SYNE2: variants seen among roughly 807,000 people sequenced by gnomAD.
SYNE2 encodes the protein nesprin-2.
In SYNE2, 431 loss-of-function variants were observed where a neutral mutation model predicts 856.3. That is an observed-to-expected ratio of 0.50 (90% CI 0.47 to 0.55). The LOEUF (loss-of-function observed/expected upper bound fraction) is 0.55. SYNE2 is among the 20% of genes least tolerant of loss of function. The pLI is 0.00. For missense variants in SYNE2, 8,129 were observed against 8,023.2 expected, an observed-to-expected ratio of 1.01 and a Z score of -0.50; for synonymous variants, 2,923 against 2,872.3, an observed-to-expected ratio of 1.02 and a Z score of -0.56.
intron 82 of SYNE2, among the ~76,000 whole-genome samples, chr14:64,142,858 A>G (rs1469589977): frequency 6.6e-6 from 1 of 152,234 alleles, no homozygotes; most frequent in Non-Finnish European, 1.5e-5. Flanking sequence ...AGTAGATTTA[A>G]TTAACATTTC....
intron 8 of SYNE2, among the ~76,000 whole-genome samples, chr14:63,958,960 C>A (rs891374641): frequency 6.6e-6 from 1 of 152,196 alleles, no homozygotes; most frequent in Non-Finnish European, 1.5e-5. Flanking sequence ...TTTGATTTAT[C>A]CCCATCAGTA....
At chr14:64,059,579 T>C (rs778945448) in intron 49 of SYNE2, among the ~76,000 whole-genome samples, 116 of 152,352 alleles carry the variant, frequency 7.6e-4, no homozygotes, top group Non-Finnish European at 1.0e-3. Flanking sequence ...ACAAGCACCC[T>C]TGTGGCAACC....
At position 64,097,348 on chromosome 14, in the gene SYNE2, A is replaced by T. The variant is rs144581141; in HGVS notation, c.12109-601A>T. Reference sequence around the variant, plus strand: ...ATAGACTCTGCTTAAAAAAAAAGTAAATGAATTTAGTAATACCAAAGAAGC... The same window carrying T: ...ATAGACTCTGCTTAAAAAAAAAGTATATGAATTTAGTAATACCAAAGAAGC... On this transcript the variant is annotated intron_variant, in intron 61 of 115. Transcript: ENST00000555002. Among the ~76,000 whole-genome samples, 859 of 152,286 alleles carry T rather than the reference A, an allele frequency of 5.6e-3. 12 individuals are homozygous for T. The highest frequency in any genetic ancestry group is 0.02 in the African/African-American group (836 of 41,546).
In SYNE2 at chr14:64,225,163, A is replaced by G. The variant is rs772288820; in HGVS notation, c.20516+118A>G. 163 of 1,544,252 alleles carry G rather than the reference A, an allele frequency of 1.1e-4. 1 individual carries two copies. Among genetic ancestry groups the G allele is most frequent in the Non-Finnish European group, 1.3e-4 (150 of 1,124,364 alleles). On this transcript the variant is annotated intron_variant, in intron 115 of 115. Coordinates refer to ENST00000555002, the MANE Select transcript of SYNE2 (RefSeq NM_182914.3). Reference sequence around the variant, plus strand: ...AAATCTGGTTTTCTTTTGTCTGGAAAGGGCTGGTTTTCTCCTCTGAAACTG... The same window carrying G: ...AAATCTGGTTTTCTTTTGTCTGGAAGGGGCTGGTTTTCTCCTCTGAAACTG...
intron 22 of SYNE2, 100 bp downstream of exon 22, chr14:63,994,069 A>G (rs1270730209): frequency 5.7e-6 from 7 of 1,233,708 alleles, no homozygotes; most frequent in Non-Finnish European, 7.1e-6. Flanking sequence ...TCTACGTTGT[A>G]TCACCAGTGG....
chr14:64,195,606 G>A (rs1348751195), intron 99 of SYNE2, among the ~76,000 whole-genome samples: 1 of 152,196 alleles, frequency 6.6e-6, no homozygotes. Flanking sequence ...TATAGTAGTG[G>A]CAATTAAAAT....
chr14:63,841,301 G>A (rs1358345788), intron 1 of SYNE2, among the ~76,000 whole-genome samples: 4 of 152,130 alleles, frequency 2.6e-5, no homozygotes, highest in African/African-American at 9.7e-5. Flanking sequence ...GAAGCTGTGA[G>A]CCCCTAAAAA....
chr14:64,195,532 G>C (rs2098537179), intron 99 of SYNE2, among the ~76,000 whole-genome samples: 1 of 152,156 alleles, frequency 6.6e-6, no homozygotes, highest in South Asian at 2.1e-4. Context: ...ATCCATAAAA[G>C]GAACTTTTTA....
chr14:63,854,073 C>T (rs1421246986), intron 1 of SYNE2, among the ~76,000 whole-genome samples: 1 of 151,922 alleles, frequency 6.6e-6, no homozygotes, highest in Non-Finnish European at 1.5e-5. Context: ...AGCGTCTGAG[C>T]TGGACGCCGC....
chr14:63,884,805 T>TAC (rs1045068374), intron 1 of SYNE2, among the ~76,000 whole-genome samples: 8 of 151,992 alleles, frequency 5.3e-5, no homozygotes, highest in African/African-American at 1.9e-4. Context: ...TTGAAACATA[T>TAC]ATATATATAT....
At chr14:64,076,250 A>G (rs2097458012) in intron 54 of SYNE2, 150 bp downstream of exon 54, 2 of 778,720 alleles carry the variant, frequency 2.6e-6, no homozygotes, top group Non-Finnish European at 4.2e-6. Flanking sequence ...TTGAATGCTA[A>G]GATAAAGATG....
intron 90 of SYNE2, among the ~76,000 whole-genome samples, chr14:64,166,213 A>C (rs2098377921): frequency 6.6e-6 from 1 of 152,184 alleles, no homozygotes; most frequent in Non-Finnish European, 1.5e-5. Flanking sequence ...TTTTGATGGA[A>C]CACAGCCATG....
chr14:63,821,626 C>T (rs182312000), intron 1 of SYNE2, among the ~76,000 whole-genome samples: 57 of 151,300 alleles, frequency 3.8e-4, no homozygotes, highest in Admixed American at 6.6e-4. Context: ...TGGCAGTGCA[C>T]GCCTGTAGTC....
At chr14:64,218,643 C>G (rs1252146561) in intron 109 of SYNE2, 131 bp downstream of exon 109, 9 of 839,164 alleles carry the variant, frequency 1.1e-5, no homozygotes, top group Non-Finnish European at 1.5e-5. Context: ...CTACAACAAC[C>G]AATGTTATTT....
At chr14:63,861,056 T>C (rs1019317392) in intron 1 of SYNE2, among the ~76,000 whole-genome samples, 1 of 152,060 alleles carries the variant, frequency 6.6e-6, no homozygotes, top group Non-Finnish European at 1.5e-5. Context: ...CTGTGAACCA[T>C]GGGCATAGAG....
intron 8 of SYNE2, among the ~76,000 whole-genome samples, chr14:63,955,318 A>G (rs1385485172): frequency 6.6e-6 from 1 of 152,156 alleles, no homozygotes; most frequent in Admixed American, 6.5e-5. Context: ...CTCTGTGAGA[A>G]CAGAAACTGC....
At position 63,990,573 on chromosome 14, in the gene SYNE2, T is replaced by C; in HGVS notation, c.2472+4T>C. The C allele has an allele frequency of 6.2e-7, 1 of 1,613,608 alleles. No homozygotes were observed. The highest frequency in any genetic ancestry group is 8.5e-7 in the Non-Finnish European group (1 of 1,179,592). ...AGAAGCTAAAGAGAAAGTCCAGGTC[T>C]CTCTTTAATATTCCCTATTTAGTAA... On this transcript the variant is annotated splice_donor_region_variant and intron_variant, in intron 20 of 115. Transcript: ENST00000555002.
Position 64,016,727 on chromosome 14 carries a change from CATT to C in SYNE2, c.4887+97_4887+99del, listed in dbSNP as rs901477919. 1.0e-5 allele frequency: 9 copies of C among 867,692 alleles called. No homozygotes were observed. In the Admixed American group the frequency reaches 2.4e-4, roughly 23 times the overall value. The allele number at this position is 867,692 out of a possible 1,614,324, so 53.7% of individuals were successfully genotyped here. ...ATTTAATTCAAGATTCAAAAATACT[CATT>C]GTAAAAATGTTCAAATTATATAAAA... On this transcript the variant is annotated intron_variant, in intron 33 of 115. Transcript: ENST00000555002.
intron 70 of SYNE2, among the ~76,000 whole-genome samples, chr14:64,124,217 C>T (rs866649636): frequency 2.0e-5 from 3 of 151,838 alleles, no homozygotes; most frequent in East Asian, 1.9e-4. Context: ...AAAAAAGAGA[C>T]GGGTTCTCGC....
Sources: allele counts gnomAD v4.1 joint callset (sites outside exome capture counted in the v4.1 genomes callset), GRCh38; gene constraint gnomAD v4.1.1; transcripts MANE v1.5; gene names NCBI Gene and HGNC (gene_info 2026-07-23, HGNC 2026-07-21).